PARN: variants seen among roughly 807,000 people sequenced by gnomAD.
PARN encodes poly(A)-specific ribonuclease PARN.
In PARN, 71 loss-of-function variants were observed where a neutral mutation model predicts 102.8. The ratio of observed to expected loss-of-function variants is 0.69; its 90% CI spans 0.57 to 0.84. The LOEUF is 0.84. Ranked by LOEUF, PARN falls within the 40% of genes least tolerant of loss-of-function variation. PARN has a pLI of 0.00. For missense variants in PARN, 782 were observed against 760.9 expected (o/e 1.03, Z -0.33); for synonymous variants, 261 against 252.9 (o/e 1.03, Z -0.30).
At chr16:14,441,797 T>C (rs548388066) in intron 23 of PARN, among the ~76,000 whole-genome samples, 2 of 152,316 alleles carry the variant, frequency 1.3e-5, no homozygotes, top group South Asian at 2.1e-4. Context: ...GTCTCTCAGG[T>C]GACCGACAGC....
In PARN at chr16:14,628,043, T is replaced by C. The variant is rs1972787211; in HGVS notation, c.177+129A>G. ...CAAAACAAAAAAAAAAATCACTTCA[T>C]GGCTAGGTTTGAGGAGAAAATACTG... On this transcript the variant is annotated intron_variant, in intron 3 of 23. Coordinates refer to ENST00000437198, the MANE Select transcript of PARN (RefSeq NM_002582.4). 6.0e-5 allele frequency: 40 copies of C among 669,528 alleles called. No individual in the cohort carries two copies. The South Asian group carries it at 6.7e-4, about 11-fold the overall frequency. 41.5% of individuals were successfully genotyped at this position (669,528 alleles called of 1,614,324 possible).
intron 21 of PARN, among the ~76,000 whole-genome samples, chr16:14,493,738 TG>T (rs1964172548): frequency 6.6e-6 from 1 of 152,210 alleles, no homozygotes; most frequent in Non-Finnish European, 1.5e-5. Flanking sequence ...ACAGGCTGAC[TG>T]AGAGGTGGAA....
intron 16 of PARN, 75 bp from the exon 17 acceptor site, chr16:14,582,366 T>TC: frequency 1.1e-6 from 1 of 928,520 alleles, no homozygotes; most frequent in Non-Finnish European, 1.8e-6. Context: ...CAAAATTGCA[T>TC]TAGCATATGC....
intron 21 of PARN, among the ~76,000 whole-genome samples, chr16:14,543,045 C>A (rs1418027494): frequency 1.3e-5 from 2 of 152,122 alleles, no homozygotes; most frequent in East Asian, 3.8e-4. Context: ...ACTGCTAAAA[C>A]CAATCGTAAA....
At chr16:14,563,315 G>A (rs1483578206) in intron 18 of PARN, among the ~76,000 whole-genome samples, 4 of 152,204 alleles carry the variant, frequency 2.6e-5, no homozygotes, top group Non-Finnish European at 4.4e-5. Flanking sequence ...AAATGGTCAC[G>A]CCTAGTGTTG....
At chr16:14,570,209 C>T (rs1968703971) in intron 18 of PARN, among the ~76,000 whole-genome samples, 1 of 148,388 alleles carries the variant, frequency 6.7e-6, no homozygotes, top group African/African-American at 2.5e-5. Context: ...TGCAGTGGCA[C>T]GTGCCTGTAA....
intron 14 of PARN, among the ~76,000 whole-genome samples, chr16:14,585,978 CTCT>C: frequency 6.9e-6 from 1 of 145,802 alleles, no homozygotes; most frequent in South Asian, 2.2e-4. Flanking sequence ...GTCACAATGA[CTCT>C]TTTTTTTTTT....
intron 22 of PARN, among the ~76,000 whole-genome samples, chr16:14,468,091 A>G (rs1348304804): frequency 1.3e-5 from 2 of 152,192 alleles, no homozygotes; most frequent in Non-Finnish European, 2.9e-5. Context: ...AAGGCATCTC[A>G]CAAGGCACTT....
chr16:14,568,465 G>C (rs1266162937), intron 18 of PARN, among the ~76,000 whole-genome samples: 1 of 151,750 alleles, frequency 6.6e-6, no homozygotes, highest in East Asian at 1.9e-4. Context: ...AAATAGCTGG[G>C]TGTGGTAGCA....
chr16:14,545,850 A>C (rs1966902346), intron 21 of PARN, among the ~76,000 whole-genome samples: 1 of 152,252 alleles, frequency 6.6e-6, no homozygotes, highest in Non-Finnish European at 1.5e-5. Flanking sequence ...CGCCAGGCTT[A>C]AATTTTTTAA....
intron 6 of PARN, among the ~76,000 whole-genome samples, chr16:14,614,870 A>G (rs1022947531): frequency 6.0e-5 from 9 of 149,602 alleles, no homozygotes; most frequent in Non-Finnish European, 8.9e-5. Context: ...AAAAAAAAAA[A>G]AAAAAAAAGA....
At chr16:14,629,873 GAGA>G (rs1249425455) in intron 1 of PARN, among the ~76,000 whole-genome samples, 199 bp from the exon 2 acceptor site, 1 of 152,216 alleles carries the variant, frequency 6.6e-6, no homozygotes, top group African/African-American at 2.4e-5. Context: ...GCCCGGCCCG[GAGA>G]AGGACAAGGC....
At chr16:14,579,976 C>A (rs1330220798) in intron 18 of PARN, among the ~76,000 whole-genome samples, 1 of 141,034 alleles carries the variant, frequency 7.1e-6, no homozygotes, top group African/African-American at 2.5e-5. Context: ...GAGTGAGACA[C>A]CATCTCAAAA....
At chr16:14,619,359 G>A (rs186059734) in intron 5 of PARN, among the ~76,000 whole-genome samples, 113 of 152,220 alleles carry the variant, frequency 7.4e-4, no homozygotes, top group Non-Finnish European at 1.2e-3. Flanking sequence ...CAGCACTTCC[G>A]GAGGCTGAGG....
chr16:14,590,234 CAAAAAAAAAA>C (rs11302769), intron 13 of PARN, among the ~76,000 whole-genome samples: 3 of 45,956 alleles, frequency 6.5e-5, no homozygotes, highest in African/African-American at 1.0e-4. Context: ...GACTCCATCT[CAAAAAAAAAA>C]AAAAAAAAAA....
intron 21 of PARN, among the ~76,000 whole-genome samples, chr16:14,505,649 T>A (rs1964856109): frequency 6.6e-6 from 1 of 152,190 alleles, no homozygotes; most frequent in African/African-American, 2.4e-5. Context: ...TTCAGAACCA[T>A]GTCTTGTACC....
At chr16:14,543,897 TA>T (rs1194191925) in intron 21 of PARN, among the ~76,000 whole-genome samples, 1 of 151,776 alleles carries the variant, frequency 6.6e-6, no homozygotes, top group African/African-American at 2.4e-5. Flanking sequence ...ACAGAAGAAA[TA>T]AAAAAGCAAA....
intron 18 of PARN, among the ~76,000 whole-genome samples, chr16:14,575,642 G>C (rs1969084472): frequency 6.6e-6 from 1 of 152,130 alleles, no homozygotes; most frequent in Non-Finnish European, 1.5e-5. Flanking sequence ...TAGGCGGAAG[G>C]GAGACTTGCC....
chr16:14,584,556 T>C (rs1409270320), intron 15 of PARN, 134 bp from the exon 16 acceptor site: 4 of 812,544 alleles, frequency 4.9e-6, no homozygotes, highest in East Asian at 5.4e-5. Flanking sequence ...AACACAGAAG[T>C]CTTCGTTTTT....
Sources: allele counts gnomAD v4.1 joint callset (sites outside exome capture counted in the v4.1 genomes callset), GRCh38; gene constraint gnomAD v4.1.1; transcripts MANE v1.5; gene names NCBI Gene and HGNC (gene_info 2026-07-23, HGNC 2026-07-21).